Variants in BBS5 observed in about 807,000 individuals in gnomAD.
BBS5 encodes the protein Bardet-Biedl syndrome 5, also known as BBSome complex member BBS5.
Under a neutral mutation model 50.2 loss-of-function variants are expected in BBS5, and 39 were observed. That is an observed-to-expected ratio of 0.78 (90% CI 0.60 to 1.01). BBS5 has a LOEUF of 1.01. Among genes scored for constraint, BBS5 ranks in the 50% least tolerant of loss-of-function variants. The pLI, the probability that BBS5 is intolerant of heterozygous loss-of-function variation, is 0.00. For missense variants in BBS5, 356 were observed against 401.5 expected, an observed-to-expected ratio of 0.89 and a Z score of 0.97; for synonymous variants, 134 against 133.1, an observed-to-expected ratio of 1.01 and a Z score of -0.05.
intron 8 of BBS5, 44 bp downstream of exon 8, chr2:169,497,733 ATG>A (rs1437249031): frequency 7.7e-7 from 1 of 1,302,736 alleles, no homozygotes; most frequent in Non-Finnish European, 1.1e-6. Flanking sequence ...TTTTAAAACT[ATG>A]TGACAGTCTA....
At chr2:169,495,923 G>A (rs150492726) in intron 7 of BBS5, among the ~76,000 whole-genome samples, 38 of 152,280 alleles carry the variant, frequency 2.5e-4, no homozygotes, top group Admixed American at 2.1e-3. Flanking sequence ...CTATATAGGC[G>A]TGAGCCCCCG....
At position 169,499,632 on chromosome 2, in the gene BBS5, A is replaced by C; in HGVS notation, c.816+12A>C. The stretch of plus-strand genomic sequence containing the variant: ...AGATGGAAGAAAAGGTAATTTGTTG[A>C]GTATGTGAAATAAAGTTTGCATTGC... On this transcript the variant is annotated intron_variant, in intron 9 of 11. Coordinates refer to ENST00000295240, the MANE Select transcript of BBS5 (RefSeq NM_152384.3). 6.2e-7 allele frequency: 1 copy of C among 1,613,270 alleles called. No individual in the cohort carries two copies. The highest frequency in any genetic ancestry group is 8.5e-7 in the Non-Finnish European group (1 of 1,179,370).
In BBS5 at chr2:169,505,031, C is replaced by T; in HGVS notation, c.*449C>T. The T allele has an allele frequency of 3.2e-6, 5 of 1,557,790 alleles. No homozygotes were observed. Among genetic ancestry groups the T allele is most frequent in the Non-Finnish European group, 4.4e-6 (5 of 1,136,116 alleles). The stretch of plus-strand genomic sequence containing the variant: ...CGAAGCTGGACTGTACTGCTGCCAT[C>T]TCTGGCTCACTGCAACCTCCCTGCC... On this transcript the variant is annotated 3_prime_UTR_variant, in exon 12 of 12. Transcript: ENST00000295240.
Position 169,479,524 on chromosome 2 carries a change from G to GGAGA in BBS5, c.-27_-24dup. The GGAGA allele has an allele frequency of 6.2e-7, 1 of 1,613,716 alleles. No individual in the cohort carries two copies. Among genetic ancestry groups the GGAGA allele is most frequent in the Non-Finnish European group, 8.5e-7 (1 of 1,179,632 alleles). ...GACGCAGCTAGGCCTGCACGGCTGT[G>GGAGA]GAGAGATCCTGCCACGGGCCTTGTT... On this transcript the variant is annotated 5_prime_UTR_variant, in exon 1 of 12. Transcript: ENST00000295240.
chr2:169,499,863 C>A (rs1311535577), intron 9 of BBS5, among the ~76,000 whole-genome samples: 1 of 152,238 alleles, frequency 6.6e-6, no homozygotes, highest in Admixed American at 6.5e-5. Context: ...TGGGCAGCCA[C>A]CTGAGTAAAT....
chr2:169,480,904 C>T (rs1035990991), intron 1 of BBS5, among the ~76,000 whole-genome samples: 9 of 152,068 alleles, frequency 5.9e-5, no homozygotes, highest in Non-Finnish European at 1.3e-4. Context: ...TCTCGAACTC[C>T]TGACCTCAGG....
Position 169,482,334 on chromosome 2 carries a change from G to A in BBS5, c.142+1G>A. The A allele has an allele frequency of 6.5e-7, 1 of 1,544,448 alleles. No homozygotes were observed. Among genetic ancestry groups the A allele is most frequent in the Non-Finnish European group, 9.0e-7 (1 of 1,116,872 alleles). Reference sequence around the variant, plus strand: ...ACCAAAGGAAATAATGGAGATAGAGGTGAGTATATTTTTAAATGTATCTTA... The same window carrying A: ...ACCAAAGGAAATAATGGAGATAGAGATGAGTATATTTTTAAATGTATCTTA... On this transcript the variant is annotated splice_donor_variant, in intron 2 of 11. Transcript: ENST00000295240. LOFTEE classifies it high-confidence loss of function.
At chr2:169,489,915 G>C (rs1683562320) in intron 5 of BBS5, among the ~76,000 whole-genome samples, 1 of 112,824 alleles carries the variant, frequency 8.9e-6, no homozygotes, top group Non-Finnish European at 1.7e-5. Context: ...TTGCTCTGTT[G>C]CCCAGGCTGG....
intron 2 of BBS5, chr2:169,482,760 C>T (rs1409043095): frequency 9.6e-6 from 2 of 208,976 alleles, no homozygotes; most frequent in African/African-American, 2.3e-5. Flanking sequence ...CATGGATATG[C>T]GGAGAGCAAA....
chr2:169,492,938 C>G lies in BBS5; in HGVS notation c.451C>G (p.Gln151Glu). 6.2e-7 allele frequency: 1 copy of G among 1,612,808 alleles called. No individual in the cohort carries two copies. The highest frequency in any genetic ancestry group is 8.5e-7 in the Non-Finnish European group (1 of 1,179,074). ...KLRSALIQNK[Q>E]LRLLPQEHVY... is the part of the protein sequence containing the mutation. ...AAGAAGTGCACTAATTCAGAACAAG[C>G]AACTAAGACTGTTGCCACAAGAACA... The change falls in exon 6 of 12, where the codon CAA (glutamine) becomes GAA (glutamate). Residue 151 changes from glutamine (Q) to glutamate (E), a missense_variant. Transcript: ENST00000295240.
chr2:169,489,901 A>G (rs1434791977), intron 5 of BBS5, among the ~76,000 whole-genome samples: 2 of 77,498 alleles, frequency 2.6e-5, no homozygotes, highest in African/African-American at 6.6e-5. Context: ...TTAGAGACAG[A>G]GTCTTGCTCT....
At chr2:169,479,870 C>T (rs1219215762) in intron 1 of BBS5, among the ~76,000 whole-genome samples, 1 of 152,248 alleles carries the variant, frequency 6.6e-6, no homozygotes, top group Non-Finnish European at 1.5e-5. Flanking sequence ...CCCATCCTGG[C>T]CCGCGGGACG....
rs1368337087 is a variant in BBS5, at chr2:169,492,995, T to A, written c.508T>A (p.Leu170Ile). ...VYDKINGVWNLSSDQGNLGTF... is the reference protein window; with the variant it reads ...VYDKINGVWNISSDQGNLGTF... Reference sequence around the variant, plus strand: ...TGATAAAATAAATGGAGTTTGGAATTTATCCAGTGATCAGGTATTGTGCAA... The same window carrying A: ...TGATAAAATAAATGGAGTTTGGAATATATCCAGTGATCAGGTATTGTGCAA... Residue 170 changes from leucine (L) to isoleucine (I), a missense_variant, in exon 6 of 12, where the codon TTA (leucine) becomes ATA (isoleucine). Physicochemically the swap from Leu to Ile is conservative, Grantham distance 5 (BLOSUM62 2). Transcript: ENST00000295240. 1 of 1,613,692 alleles carries A rather than the reference T, an allele frequency of 6.2e-7. No individual in the cohort carries two copies. The highest frequency in any genetic ancestry group is 1.1e-5 in the South Asian group (1 of 91,070).
chr2:169,494,514 C>T (rs893962683), intron 7 of BBS5, among the ~76,000 whole-genome samples: 3 of 150,576 alleles, frequency 2.0e-5, no homozygotes, highest in Admixed American at 1.3e-4. Flanking sequence ...GTCAGGAGTT[C>T]GAGACCAGCA....
chr2:169,505,083 T>C lies in BBS5; in HGVS notation c.*501T>C, dbSNP rs1436433969. ...GATTCTCCTGCCTCAGCCTGCCGAG[T>C]GCCTGCGATTACAGGCGCGCGCCGC... On this transcript the variant is annotated 3_prime_UTR_variant, in exon 12 of 12. Coordinates refer to ENST00000295240, the MANE Select transcript of BBS5 (RefSeq NM_152384.3). The C allele has an allele frequency of 2.4e-6, 3 of 1,229,890 alleles. No homozygotes were observed. The highest frequency in any genetic ancestry group is 3.5e-6 in the Non-Finnish European group (3 of 847,926). 76.2% of individuals were successfully genotyped at this position (1,229,890 alleles called of 1,614,324 possible).
At position 169,496,228 on chromosome 2, in the gene BBS5, G is replaced by A. The variant is rs569022826; in HGVS notation, c.619-1399G>A. Among the ~76,000 whole-genome samples, 8 of 152,108 alleles carry A rather than the reference G, an allele frequency of 5.3e-5. No homozygotes were observed. The South Asian group carries it at 1.3e-3, about 24-fold the overall frequency. ...TGTGTGACTTCTACAGGCCCTACCT[G>A]CCATTCTGCCTCTACTCTCCCCTTC... On this transcript the variant is annotated intron_variant, in intron 7 of 11. Coordinates refer to ENST00000295240, the MANE Select transcript of BBS5 (RefSeq NM_152384.3).
chr2:169,499,621 G>A lies in BBS5; in HGVS notation c.816+1G>A. The A allele has an allele frequency of 6.2e-7, 1 of 1,613,724 alleles. No homozygotes were observed. Among genetic ancestry groups the A allele is most frequent in the Non-Finnish European group, 8.5e-7 (1 of 1,179,750 alleles). On this transcript the variant is annotated splice_donor_variant, in intron 9 of 11. Coordinates refer to ENST00000295240, the MANE Select transcript of BBS5 (RefSeq NM_152384.3). LOFTEE classifies it high-confidence loss of function. ...AGTTGATTATGAGATGGAAGAAAAG[G>A]TAATTTGTTGAGTATGTGAAATAAA...
Position 169,504,884 on chromosome 2 carries a change from C to G in BBS5, c.*302C>G, listed in dbSNP as rs528203371. On this transcript the variant is annotated 3_prime_UTR_variant, in exon 12 of 12. Transcript: ENST00000295240. ...GCTCCTACAGCAGTGCCTGCACGCC[C>G]GGCTGCAAATTCGCCCAGCCAATGG... 5 of 1,613,298 alleles carry G rather than the reference C, an allele frequency of 3.1e-6. No homozygotes were observed. The highest frequency in any genetic ancestry group is 1.7e-5 in the Admixed American group (1 of 59,998).
chr2:169,506,409 G>C lies in BBS5; in HGVS notation c.*1827G>C, dbSNP rs1315932786. On this transcript the variant is annotated 3_prime_UTR_variant, in exon 12 of 12. Coordinates refer to ENST00000295240, the MANE Select transcript of BBS5 (RefSeq NM_152384.3). ...GAGAAATCGGATGGTTGCCGTGTCT[G>C]TGTAGAAAGAAGTAGACATGGGAGA... 3 of 181,128 alleles carry C rather than the reference G, an allele frequency of 1.7e-5. No homozygotes were observed. The highest frequency in any genetic ancestry group is 3.3e-5 in the Non-Finnish European group (3 of 90,790). The allele number at this position is 181,128 out of a possible 1,614,324, so 11.2% of individuals were successfully genotyped here.
Sources: gnomAD v4.1 joint callset for allele counts (sites outside exome capture counted in the v4.1 genomes callset) on GRCh38, gnomAD v4.1.1 for gene constraint, MANE v1.5 for transcripts, NCBI Gene and HGNC (gene_info 2026-07-23, HGNC 2026-07-21) for gene names.